The following DNAH14 variants were observed in gnomAD, a reference collection of about 807,000 sequenced individuals.
The protein encoded by DNAH14 is axonemal beta dynein heavy chain 14.
A neutral mutation model predicts 520.9 loss-of-function variants in DNAH14; 478 were observed. That is an observed-to-expected ratio of 0.92 (90% CI 0.85 to 0.99). The LOEUF is 0.99. DNAH14 is among the 50% of genes least tolerant of loss of function. The pLI, the probability that DNAH14 is intolerant of heterozygous loss-of-function variation, is 0.00. For synonymous variants in DNAH14, 1,581 were observed against 1,757.2 expected (o/e 0.90, Z 2.51); for missense variants, 4,831 against 5,234.5 (o/e 0.92, Z 2.38).
At chr1:225,275,679 G>T (rs950342183) in intron 52 of DNAH14, among the ~76,000 whole-genome samples, 3 of 152,068 alleles carry the variant, frequency 2.0e-5, no homozygotes, top group African/African-American at 7.2e-5. Flanking sequence ...GGGGGTTTTT[G>T]GTAACCCTTA....
chr1:225,321,926 C>G (rs2094561348), intron 61 of DNAH14, among the ~76,000 whole-genome samples: 1 of 152,118 alleles, frequency 6.6e-6, no homozygotes, highest in African/African-American at 2.4e-5. Context: ...GGCTGTTATA[C>G]CACTTCTTAA....
intron 69 of DNAH14, among the ~76,000 whole-genome samples, chr1:225,341,406 G>A (rs190207798): frequency 2.1e-4 from 32 of 152,322 alleles, no homozygotes; most frequent in Admixed American, 5.9e-4. Context: ...TGGATCACCC[G>A]AGGTCAGGAG....
intron 8 of DNAH14, among the ~76,000 whole-genome samples, chr1:224,996,990 G>A (rs1251040185): frequency 6.6e-6 from 1 of 152,048 alleles, no homozygotes; most frequent in Admixed American, 6.6e-5. Context: ...GGCTGGACTG[G>A]AGGCTGAGCC....
chr1:224,962,778 A>G (rs1036621794), intron 4 of DNAH14, among the ~76,000 whole-genome samples: 1 of 152,110 alleles, frequency 6.6e-6, no homozygotes, highest in Non-Finnish European at 1.5e-5. Context: ...TTTGAAAGTT[A>G]TGTGTTCCTT....
chr1:225,335,895 A>ATATATGTACATATATACG (rs1553337182), intron 66 of DNAH14, among the ~76,000 whole-genome samples: 7 of 104,872 alleles, frequency 6.7e-5, no homozygotes, highest in African/African-American at 2.3e-4. Context: ...GTACATATAC[A>ATATATGTACATATATACG]TACATATATG....
chr1:225,079,707 T>C (rs998887894), intron 18 of DNAH14, among the ~76,000 whole-genome samples, 159 bp downstream of exon 18: 2 of 140,508 alleles, frequency 1.4e-5, no homozygotes, highest in Non-Finnish European at 3.0e-5. Flanking sequence ...GGAGTCTTGC[T>C]CTGTTGCCCA....
chr1:224,931,945 ATTTCT>A (rs2058723473), intron 1 of DNAH14, among the ~76,000 whole-genome samples: 1 of 152,092 alleles, frequency 6.6e-6, no homozygotes, highest in African/African-American at 2.4e-5. Context: ...TTATATATTG[ATTTCT>A]TTTACTTTGG....
At chr1:225,124,174 G>T (rs954702863) in intron 27 of DNAH14, among the ~76,000 whole-genome samples, 1 of 152,186 alleles carries the variant, frequency 6.6e-6, no homozygotes, top group Admixed American at 6.5e-5. Context: ...TCATAATATT[G>T]TTGCTGGTGG....
intron 68 of DNAH14, among the ~76,000 whole-genome samples, chr1:225,339,351 C>T (rs2095132089): frequency 6.6e-6 from 1 of 152,028 alleles, no homozygotes; most frequent in African/African-American, 2.4e-5. Flanking sequence ...ATTAATAAAA[C>T]AGTTTCCAAA....
At chr1:225,389,618 TG>T (rs1558609572) in intron 82 of DNAH14, 115 bp from the exon 83 acceptor site, 1 of 1,213,646 alleles carries the variant, frequency 8.2e-7, no homozygotes, top group Non-Finnish European at 1.1e-6. Flanking sequence ...AGTCCTGCAT[TG>T]GGGGAATCGA....
intron 60 of DNAH14, among the ~76,000 whole-genome samples, chr1:225,309,649 C>G (rs986724272): frequency 6.6e-6 from 1 of 152,124 alleles, no homozygotes; most frequent in African/African-American, 2.4e-5. Flanking sequence ...AATCCCAGCA[C>G]TTTGGGAGGC....
At position 225,272,077 on chromosome 1, in the gene DNAH14, T is replaced by C. The variant is rs1343691977; in HGVS notation, c.7839+4T>C. On this transcript the variant is annotated splice_donor_region_variant and intron_variant, in intron 51 of 85. Coordinates refer to ENST00000682510, the MANE Select transcript of DNAH14 (RefSeq NM_001367479.1). ...TAATCTTCGAGATATGTTTAAGGTTTGTTTTAATGTTCATTCTCTAGTTTA... is the reference window on the plus strand; with the variant it reads ...TAATCTTCGAGATATGTTTAAGGTTCGTTTTAATGTTCATTCTCTAGTTTA... 7.8e-6 allele frequency: 12 copies of C among 1,544,830 alleles called. No individual in the cohort carries two copies. Among genetic ancestry groups the C allele is most frequent in the Non-Finnish European group, 1.0e-5 (12 of 1,144,378 alleles).
intron 1 of DNAH14, among the ~76,000 whole-genome samples, chr1:224,935,238 C>A (rs1281744539): frequency 6.6e-6 from 1 of 151,894 alleles, no homozygotes; most frequent in Non-Finnish European, 1.5e-5. Context: ...CAAAGCCTCA[C>A]ATGTCAGTAA....
chr1:225,077,413 G>A (rs2072433176), intron 17 of DNAH14, among the ~76,000 whole-genome samples: 1 of 151,896 alleles, frequency 6.6e-6, no homozygotes, highest in South Asian at 2.1e-4. Context: ...ATGAAGTTTG[G>A]GTATATTTTA....
chr1:225,105,433 G>T (rs924597151), intron 23 of DNAH14, among the ~76,000 whole-genome samples: 1 of 152,086 alleles, frequency 6.6e-6, no homozygotes, highest in African/African-American at 2.4e-5. Flanking sequence ...TCAATTCCTG[G>T]ATATCCTTGT....
chr1:225,369,839 A>G (rs2095597306), intron 77 of DNAH14, among the ~76,000 whole-genome samples: 1 of 152,136 alleles, frequency 6.6e-6, no homozygotes, highest in Admixed American at 6.5e-5. Flanking sequence ...AATCTAAACA[A>G]CTTGGATATT....
At chr1:225,184,295 G>T (rs1216629196) in intron 36 of DNAH14, among the ~76,000 whole-genome samples, 4 of 151,036 alleles carry the variant, frequency 2.6e-5, no homozygotes, top group African/African-American at 7.3e-5. Flanking sequence ...GCAAATTAAT[G>T]AATGTGATTC....
chr1:225,107,698 G>GT (rs1558982490), intron 23 of DNAH14, among the ~76,000 whole-genome samples: 1 of 152,138 alleles, frequency 6.6e-6, no homozygotes, highest in South Asian at 2.1e-4. Flanking sequence ...TCTATTTTTA[G>GT]TTTTTTGAGG....
At chr1:225,327,954 T>C (rs967288766) in intron 64 of DNAH14, among the ~76,000 whole-genome samples, 6 of 152,130 alleles carry the variant, frequency 3.9e-5, no homozygotes, top group Admixed American at 2.6e-4. Flanking sequence ...GCCTTCCTCA[T>C]ATATGGGACA....
Sources: gnomAD v4.1 joint callset for allele counts (sites outside exome capture counted in the v4.1 genomes callset) on GRCh38, gnomAD v4.1.1 for gene constraint, MANE v1.5 for transcripts, NCBI Gene and HGNC (gene_info 2026-07-23, HGNC 2026-07-21) for gene names.